LMF2: variants seen among roughly 807,000 people sequenced by gnomAD.
LMF2 encodes transmembrane protein 112B.
Under a neutral mutation model 81.5 loss-of-function variants are expected in LMF2, and 113 were observed. The ratio of observed to expected loss-of-function variants is 1.39; its 90% CI spans 1.19 to 1.62. The LOEUF is 1.62. LMF2 is among the 40% of genes most tolerant of loss of function. The pLI, the probability that LMF2 is intolerant of heterozygous loss-of-function variation, is 0.00. For missense variants in LMF2, 1,235 were observed against 929.1 expected (o/e 1.33, Z -4.28); for synonymous variants, 645 against 424.5 (o/e 1.52, Z -6.39).
rs754445708 is a variant in LMF2, at chr22:50,506,764, G to A, written c.348+18C>T. On this transcript the variant is annotated intron_variant, in intron 2 of 13. Coordinates refer to ENST00000474879, the MANE Select transcript of LMF2 (RefSeq NM_033200.3). ...TGGGGGTTGGAGATAGAGTGAGCTG[G>A]TCACAGGTCCCACTTGCCTGGCAGG... The A allele has an allele frequency of 5.6e-6, 9 of 1,612,580 alleles. No homozygotes were observed. Among genetic ancestry groups the A allele is most frequent in the South Asian group, 3.3e-5 (3 of 91,010 alleles).
rs759433180 is a variant in LMF2, at chr22:50,504,325, G to A, written c.1718+15C>T. Reference sequence around the variant, plus strand: ...GCACCCCGGGCTCCACACCCCACCCGGTGCCCAGCCTTACCCCTGCTCCCC... The same window carrying A: ...GCACCCCGGGCTCCACACCCCACCCAGTGCCCAGCCTTACCCCTGCTCCCC... On this transcript the variant is annotated intron_variant, in intron 12 of 13. Transcript: ENST00000474879. The A allele has an allele frequency of 8.3e-5, 130 of 1,573,428 alleles. 7 individuals carry two copies. Among genetic ancestry groups the A allele is most frequent in the Non-Finnish European group, 1.1e-4 (124 of 1,156,946 alleles).
chr22:50,506,611 A>C lies in LMF2; in HGVS notation c.377+27T>G, dbSNP rs901874413. ...TCCCCCACCCCCTACCCAGCCTCCC[A>C]CAGCCCCAGGCCCAGCCGTCACTCA... On this transcript the variant is annotated intron_variant, in intron 3 of 13. Transcript: ENST00000474879. The C allele has an allele frequency of 3.8e-5, 61 of 1,603,988 alleles. No homozygotes were observed. The Middle Eastern group carries it at 5.0e-4, about 13-fold the overall frequency.
intron 11 of LMF2, 39 bp downstream of exon 11, chr22:50,504,496 CCCCTCCCCTCCCCACCCCGCTCCA>C (rs2068500588): frequency 1.4e-6 from 1 of 734,174 alleles, no homozygotes; most frequent in African/African-American, 1.9e-5. Context: ...ACCCGCCCTG[CCCCTCCCCTCCCCACCCCGCTCCA>C]CCCCAGCCCA....
Position 50,504,459 on chromosome 22 carries a change from G to C in LMF2, c.1607-8C>G. On this transcript the variant is annotated splice_region_variant and splice_polypyrimidine_tract_variant and intron_variant, in intron 11 of 13. Transcript: ENST00000474879. ...TCTGGACAAGGCGGATCACTGCAGC[G>C]AGAGGCATCAGCGTGGCCCCCACAG... 6.2e-7 allele frequency: 1 copy of C among 1,609,700 alleles called. No homozygotes were observed. Among genetic ancestry groups the C allele is most frequent in the Admixed American group, 1.7e-5 (1 of 59,910 alleles).
At position 50,504,844 on chromosome 22, in the gene LMF2, A is replaced by G; in HGVS notation, c.1395T>C (p.Pro465=). The change falls in exon 10 of 14, where the codon CCT becomes CCC. Residue 465 remains proline (P), a synonymous_variant. Transcript: ENST00000474879. ...FRRMTGLGGR[P]EVVLEGSYDG... ...CGTAACTGCCCTCCAGCACCACCTC[A>G]GGCCGTCCACCAAGCCCAGTCATGC... 6.2e-7 allele frequency: 1 copy of G among 1,610,670 alleles called. No individual in the cohort carries two copies. Among genetic ancestry groups the G allele is most frequent in the Non-Finnish European group, 8.5e-7 (1 of 1,178,612 alleles).
In LMF2 at chr22:50,506,039, G is replaced by T; in HGVS notation, c.770C>A (p.Ser257Ter). ...ACAGCTGCGGCCCTCACCCACCTGCGAGTAGAAAGCAGCCAAGCGCAGGCG... is the reference window on the plus strand; with the variant it reads ...ACAGCTGCGGCCCTCACCCACCTGCTAGTAGAAAGCAGCCAAGCGCAGGCG... The part of the protein sequence containing the change: ...IRRLRLAAFY[S>*]QVLLQVLIII... The change falls in exon 5 of 14, where the codon TCG (serine) becomes TAG (stop). Residue 257 changes from serine (S) to a stop codon, truncating the protein, a stop_gained. Transcript: ENST00000474879. LOFTEE classifies it high-confidence loss of function. The T allele has an allele frequency of 6.3e-7, 1 of 1,583,358 alleles. No homozygotes were observed.
chr22:50,507,343 A>AC (rs1169153921), intron 1 of LMF2: 1 of 603,000 alleles, frequency 1.7e-6, no homozygotes, highest in Non-Finnish European at 2.9e-6. Context: ...CCTCTCTCCC[A>AC]CCTCTCTCAG....
chr22:50,507,676 G>C lies in LMF2; in HGVS notation c.-1C>G, dbSNP rs1403260909. The C allele has an allele frequency of 1.9e-6, 3 of 1,549,612 alleles. No homozygotes were observed. Among genetic ancestry groups the C allele is most frequent in the Admixed American group, 2.0e-5 (1 of 50,986 alleles). The stretch of plus-strand genomic sequence containing the variant: ...GCCGCGGGAGCCGGGAGCCCGCCAT[G>C]TCCGCTACGCGGCCCGCTAGAGCAG... On this transcript the variant is annotated 5_prime_UTR_variant, in exon 1 of 14. Coordinates refer to ENST00000474879, the MANE Select transcript of LMF2 (RefSeq NM_033200.3).
intron 5 of LMF2, 49 bp from the exon 6 acceptor site, chr22:50,505,864 G>A (rs369043834): frequency 4.2e-5 from 67 of 1,605,574 alleles, no homozygotes; most frequent in Non-Finnish European, 4.7e-5. Context: ...GCCTGGCCCC[G>A]TGGCAGGCAC....
In LMF2 at chr22:50,503,868, G is replaced by T. The variant is rs946296783; in HGVS notation, c.1755C>A (p.Phe585Leu). 2 of 1,605,932 alleles carry T rather than the reference G, an allele frequency of 1.2e-6. No homozygotes were observed. Among genetic ancestry groups the T allele is most frequent in the African/African-American group, 1.3e-5 (1 of 74,812 alleles). The change falls in exon 13 of 14, where the codon TTC becomes TTA. Residue 585 changes from phenylalanine to leucine, a missense_variant. Coordinates refer to ENST00000474879, the MANE Select transcript of LMF2 (RefSeq NM_033200.3). ...TGGGGTCCCCCAGGGACACGGATGG[G>T]AAGAACTCCTCCACCCACTGGCGCC... The part of the protein sequence containing the change: ...WWRRQWVEEF[F>L]PSVSLGDPTL...
rs370222690 is a variant in LMF2 at position 50,505,347 on chromosome 22, G to C, written c.1052-13C>G. Reference sequence around the variant, plus strand: ...TGGAAGGTGAAAGCTGGTGGAGGAGGGGGGTGTGAGGACTGGTCCGCCCCT... The same window carrying C: ...TGGAAGGTGAAAGCTGGTGGAGGAGCGGGGTGTGAGGACTGGTCCGCCCCT... On this transcript the variant is annotated splice_polypyrimidine_tract_variant and intron_variant, in intron 7 of 13. Transcript: ENST00000474879. 73 of 1,613,148 alleles carry C rather than the reference G, an allele frequency of 4.5e-5. No homozygotes were observed. Among genetic ancestry groups the C allele is most frequent in the African/African-American group, 1.7e-4 (13 of 74,958 alleles).
rs755267470 is a variant in LMF2, at chr22:50,504,352, G to T, written c.1706C>A (p.Pro569His). 1 of 1,611,522 alleles carries T rather than the reference G, an allele frequency of 6.2e-7. No individual in the cohort carries two copies. The highest frequency in any genetic ancestry group is 1.7e-5 in the Admixed American group (1 of 59,890). ...AQRYKYWFSQPGEQGQWWRRQ... is the reference protein window; with the variant it reads ...AQRYKYWFSQHGEQGQWWRRQ... ...TGCCCAGCCTTACCCCTGCTCCCCA[G>T]GCTGGGAGAACCAGTACTTGTAGCG... Residue 569 changes from proline (P) to histidine (H), a missense_variant, in exon 12 of 14, where the codon CCT (proline) becomes CAT (histidine). By Grantham distance (77) the Pro-to-His change is moderately conservative (BLOSUM62 -2). Transcript: ENST00000474879.
In LMF2 at chr22:50,506,995, C is replaced by T; in HGVS notation, c.135G>A (p.Thr45=). The T allele has an allele frequency of 6.3e-7, 1 of 1,595,512 alleles. No individual in the cohort carries two copies. The highest frequency in any genetic ancestry group is 1.7e-5 in the Admixed American group (1 of 59,224). Residue 45 remains threonine, a synonymous_variant, in exon 2 of 14, where the codon ACG becomes ACA. Coordinates refer to ENST00000474879, the MANE Select transcript of LMF2 (RefSeq NM_033200.3). ...GPEGILPARR[T]LRPQGKGRWQ... is the part of the protein sequence containing the mutation. The stretch of plus-strand genomic sequence containing the variant: ...AGCGCCCCTTGCCCTGAGGCCGCAG[C>T]GTCCTCCTTGCAGGTAGGATGCCCT...
In LMF2 at chr22:50,507,701, G is replaced by GGGCCCGCCCTCCGCGTCCGCC; in HGVS notation, c.-27_-26insGGCGGACGCGGAGGGCGGGCC. 1 of 1,516,638 alleles carries GGGCCCGCCCTCCGCGTCCGCC rather than the reference G, an allele frequency of 6.6e-7. No homozygotes were observed. The highest frequency in any genetic ancestry group is 8.8e-7 in the Non-Finnish European group (1 of 1,130,362). 93.9% of individuals were successfully genotyped at this position (1,516,638 alleles called of 1,614,324 possible). ...GTCCGCTACGCGGCCCGCTAGAGCA[G>GGGCCCGCCCTCCGCGTCCGCC]GGCCCGCCCTCCGCGTCCGCCCGCC... On this transcript the variant is annotated 5_prime_UTR_variant, in exon 1 of 14. Transcript: ENST00000474879.
chr22:50,505,726 G>C lies in LMF2; in HGVS notation c.864C>G (p.Asp288Glu), dbSNP rs372469999. The C allele has an allele frequency of 3.1e-6, 5 of 1,613,072 alleles. No homozygotes were observed. The highest frequency in any genetic ancestry group is 4.2e-6 in the Non-Finnish European group (5 of 1,179,958). Residue 288 changes from aspartate (D) to glutamate (E), a missense_variant, in exon 6 of 14, where the codon GAC (aspartate) becomes GAG (glutamate). Physicochemically the swap from Asp to Glu is conservative, Grantham distance 45 (BLOSUM62 2). Coordinates refer to ENST00000474879, the MANE Select transcript of LMF2 (RefSeq NM_033200.3). ...TLVLTTALLDDQHLAAEPGHG... is the reference protein window; with the variant it reads ...TLVLTTALLDEQHLAAEPGHG... ...GGCCAGGCTCAGCAGCCAGGTGCTG[G>C]TCGTCCAGCAGCGCAGTGGTAAGCA...
chr22:50,503,334 G>C lies in LMF2; in HGVS notation c.*57C>G. ...AGTGGCTGGGTCCTGTCCTGCCGGA[G>C]GCCAGAGCACTCCCGGCGACCTGGC... On this transcript the variant is annotated 3_prime_UTR_variant, in exon 14 of 14. Coordinates refer to ENST00000474879, the MANE Select transcript of LMF2 (RefSeq NM_033200.3). 1.9e-6 allele frequency: 3 copies of C among 1,578,298 alleles called. No individual in the cohort carries two copies. Among genetic ancestry groups the C allele is most frequent in the Non-Finnish European group, 2.6e-6 (3 of 1,157,788 alleles).
At chr22:50,507,138 G>A (rs952335362) in intron 1 of LMF2, 103 bp from the exon 2 acceptor site, 2 of 1,465,918 alleles carry the variant, frequency 1.4e-6, no homozygotes, top group Middle Eastern at 2.5e-4. Context: ...AGAGCATGCG[G>A]ATACCTCCAT....
At position 50,505,469 on chromosome 22, in the gene LMF2, A is replaced by C. The variant is rs1305613564; in HGVS notation, c.985T>G (p.Tyr329Asp). The C allele has an allele frequency of 6.2e-7, 1 of 1,613,000 alleles. No homozygotes were observed. Among genetic ancestry groups the C allele is most frequent in the Non-Finnish European group, 8.5e-7 (1 of 1,180,022 alleles). Residue 329 changes from tyrosine to aspartate, a missense_variant, in exon 7 of 14, where the codon TAT (tyrosine) becomes GAT (aspartate). Transcript: ENST00000474879. The stretch of plus-strand genomic sequence containing the variant: ...AGGCCAAAGTAGTGCACAGTGCCAT[A>C]GGCCAGAAGCCCGTAGACGGCTAGT... The part of the protein sequence containing the change: ...LELAVYGLLA[Y>D]GTVHYFGLEV...
At chr22:50,504,495 GCCCC>G in intron 11 of LMF2, 44 bp from the exon 12 acceptor site, 3 of 1,339,592 alleles carry the variant, frequency 2.2e-6, no homozygotes, top group Non-Finnish European at 3.1e-6. Flanking sequence ...TACCCGCCCT[GCCCC>G]TCCCCTCCCC....
Sources: allele counts gnomAD v4.1 joint callset, GRCh38; gene constraint gnomAD v4.1.1; transcripts MANE v1.5; gene names NCBI Gene and HGNC (gene_info 2026-07-23, HGNC 2026-07-21).